The following RNF213 variants were observed in gnomAD, a reference collection of about 807,000 sequenced individuals.
The protein encoded by RNF213 is ring finger protein 213.
RNF213 carries 341 observed loss-of-function variants against 514.4 expected under a neutral mutation model. That is an observed-to-expected ratio of 0.66 (90% CI 0.61 to 0.73). RNF213 has a LOEUF of 0.73. Ranked by LOEUF, RNF213 falls within the 30% of genes least tolerant of loss-of-function variation. RNF213 has a pLI of 0.00. For synonymous variants in RNF213, 2,655 were observed against 2,658.2 expected (o/e 1.00, Z 0.04); for missense variants, 5,767 against 6,615.6 (o/e 0.87, Z 4.45).
At chr17:80,309,462 A>C (rs1381928721) in intron 14 of RNF213, among the ~76,000 whole-genome samples, 1 of 152,156 alleles carries the variant, frequency 6.6e-6, no homozygotes, top group Non-Finnish European at 1.5e-5. Flanking sequence ...GAGCTGGCGC[A>C]GGGGCTGGGG....
rs1423064260 is a variant in RNF213 at position 80,264,678 on chromosome 17, G to A, written c.97+900G>A. On this transcript the variant is annotated intron_variant, in intron 2 of 67. Transcript: ENST00000582970. The surrounding 1 kb of genome is among the most constrained non-coding windows in gnomAD (Gnocchi z 5.0). ...TGGTCTCCCCGCCTCCACGCTGCAT[G>A]CTGCCTTCCTGCTTCCTGCTCAGCA... 6.6e-6 allele frequency among the ~76,000 whole-genome samples: 1 copy of A among 152,070 alleles called. No individual in the cohort carries two copies. Among genetic ancestry groups the A allele is most frequent in the Non-Finnish European group, 1.5e-5 (1 of 68,030 alleles).
At chr17:80,296,375 C>T (rs766578038) in intron 10 of RNF213, among the ~76,000 whole-genome samples, 11 of 152,188 alleles carry the variant, frequency 7.2e-5, no homozygotes, top group African/African-American at 1.2e-4. Flanking sequence ...TCTGTGTGCG[C>T]GTGTTTAGGA....
intron 7 of RNF213, among the ~76,000 whole-genome samples, chr17:80,291,262 A>AT (rs57271953): frequency 0.29 from 40,053 of 137,384 alleles, 6,264 homozygotes; most frequent in African/African-American, 0.42. Context: ...CTTTCTTATA[A>AT]TTTTTTTTTT....
In RNF213 at chr17:80,290,835, A is replaced by G. The variant is rs112756191; in HGVS notation, c.1271+107A>G. 213 of 1,279,838 alleles carry G rather than the reference A, an allele frequency of 1.7e-4. 2 individuals are homozygous for G. In the African/African-American group the frequency reaches 2.6e-3, roughly 16 times the overall value. 79.3% of individuals were successfully genotyped at this position (1,279,838 alleles called of 1,614,324 possible). A position where few individuals can be genotyped will look rare whatever the true frequency, so the allele number is the denominator to read the frequency against. On this transcript the variant is annotated intron_variant, in intron 7 of 67. Coordinates refer to ENST00000582970, the MANE Select transcript of RNF213 (RefSeq NM_001256071.3). The stretch of plus-strand genomic sequence containing the variant: ...TTTGTTTTTTTTTTTTCTGAGACGG[A>G]GTCTTGCTGTGTCACCCAGGCTGGA...
rs1339671124 is a variant in RNF213 at position 80,346,506 on chromosome 17, A to G, written c.8171A>G (p.Glu2724Gly). The change falls in exon 29 of 68, where the codon GAA becomes GGA. Residue 2724 changes from glutamate to glycine, a missense_variant. By Grantham distance (98) the Glu-to-Gly change is moderately conservative. Coordinates refer to ENST00000582970, the MANE Select transcript of RNF213 (RefSeq NM_001256071.3). This position sits in a 1 kb window ranked among gnomAD's most constrained non-coding sequence, Gnocchi z 8.1. ...PYDDSRLLLD[E>G]ITRAQDLFLD... The stretch of plus-strand genomic sequence containing the variant: ...GACGACAGCAGGCTGCTTCTGGATG[A>G]AATAACACGGGCACAGGATCTTTTT... The G allele has an allele frequency of 6.2e-7, 1 of 1,613,624 alleles. No homozygotes were observed. Among genetic ancestry groups the G allele is most frequent in the African/African-American group, 1.3e-5 (1 of 74,918 alleles).
chr17:80,274,513 C>T (rs190681727), intron 3 of RNF213, among the ~76,000 whole-genome samples: 90 of 132,958 alleles, frequency 6.8e-4, no homozygotes, highest in African/African-American at 2.5e-3. Context: ...GGCTTTCTGT[C>T]TGTCGTTCCT....
rs765533410 is a variant in RNF213, at chr17:80,295,653, A to T, written c.1852A>T (p.Ser618Cys). The T allele has an allele frequency of 1.1e-5, 17 of 1,614,048 alleles. No homozygotes were observed. The South Asian group carries it at 1.8e-4, about 17-fold the overall frequency. Residue 618 changes from serine (S) to cysteine (C), a missense_variant, in exon 10 of 68, where the codon AGT becomes TGT. Transcript: ENST00000582970. The part of the protein sequence containing the change: ...DFLPVDCPVR[S>C]KLKTGLIVLF... The stretch of plus-strand genomic sequence containing the variant: ...TTTGCCTGTGGACTGCCCAGTGAGG[A>T]GTAAACTGAAAACAGGCCTGATTGT...
At position 80,313,128 on chromosome 17, in the gene RNF213, A is replaced by G. The variant is rs139305565; in HGVS notation, c.2772A>G (p.Thr924=). The G allele has an allele frequency of 3.4e-4, 551 of 1,614,050 alleles. No homozygotes were observed. Among genetic ancestry groups the G allele is most frequent in the Non-Finnish European group, 4.1e-4 (488 of 1,180,048 alleles). ...AAGTTTTTACAAAGAACATGCTCAC[A>G]TCTTCAGGTGCCTCATTCACATACG... ...LREVFTKNML[T]SSGASFTYVK... The change falls in exon 15 of 68, where the codon ACA becomes ACG. Residue 924 remains threonine (T), a synonymous_variant. Transcript: ENST00000582970.
chr17:80,336,723 A>AT (rs923394764), intron 23 of RNF213: 2 of 351,966 alleles, frequency 5.7e-6, no homozygotes, highest in African/African-American at 2.1e-5. Context: ...AATTGATAGA[A>AT]TTTTTTATCA....
At chr17:80,340,437 G>A (rs975758864) in intron 26 of RNF213, 81 bp downstream of exon 26, 1 of 1,334,802 alleles carries the variant, frequency 7.5e-7, no homozygotes. Context: ...GATGAAGCCT[G>A]TCTGCAGGTG....
intron 11 of RNF213, among the ~76,000 whole-genome samples, chr17:80,303,087 A>G (rs999890670): frequency 6.6e-6 from 1 of 152,172 alleles, no homozygotes; most frequent in African/African-American, 2.4e-5. Context: ...AGGAAGTACT[A>G]CTCAAGGCAC....
At chr17:80,286,835 C>T (rs2044489290) in intron 3 of RNF213, among the ~76,000 whole-genome samples, 4 of 152,062 alleles carry the variant, frequency 2.6e-5, no homozygotes, top group South Asian at 2.1e-4. Flanking sequence ...CTGGGAGATG[C>T]CTGTGGGGTC....
intron 36 of RNF213, among the ~76,000 whole-genome samples, chr17:80,356,883 A>G (rs1440723044): frequency 6.6e-6 from 1 of 151,172 alleles, no homozygotes; most frequent in African/African-American, 2.4e-5. Context: ...TCTTCAAAAG[A>G]GAGGCTTCGC....
intron 3 of RNF213, among the ~76,000 whole-genome samples, chr17:80,274,585 T>A: frequency 9.7e-5 from 3 of 30,896 alleles, no homozygotes; most frequent in East Asian, 8.1e-4. Flanking sequence ...TGCTGTGGTC[T>A]GTGGGGGGTG....
rs752872098 is a variant in RNF213 at position 80,317,209 on chromosome 17, A to C, written c.2833A>C (p.Ile945Leu). 1 of 1,612,590 alleles carries C rather than the reference A, an allele frequency of 6.2e-7. No individual in the cohort carries two copies. The highest frequency in any genetic ancestry group is 1.1e-5 in the South Asian group (1 of 90,214). The part of the protein sequence containing the change: ...EIEVWRRLVE[I>L]QFPAEHGWKE... The stretch of plus-strand genomic sequence containing the variant: ...GCAGGTCTGGAGGCGGCTGGTGGAA[A>C]TCCAATTCCCCGCGGAGCATGGCTG... Residue 945 changes from isoleucine (I) to leucine (L), a missense_variant, in exon 16 of 68, where the codon ATC (isoleucine) becomes CTC (leucine). Coordinates refer to ENST00000582970, the MANE Select transcript of RNF213 (RefSeq NM_001256071.3). The surrounding 1 kb of genome is among the most constrained non-coding windows in gnomAD (Gnocchi z 4.1).
At chr17:80,350,443 C>T (rs566992868) in intron 31 of RNF213, 47 bp downstream of exon 31, 11 of 1,217,244 alleles carry the variant, frequency 9.0e-6, no homozygotes, top group South Asian at 6.1e-5. Flanking sequence ...AAACCCAAAA[C>T]GTAGGAAGTC....
In RNF213 at chr17:80,339,750, G is replaced by T. The variant is rs372932832; in HGVS notation, c.5383G>T (p.Asp1795Tyr). The T allele has an allele frequency of 1.3e-6, 2 of 1,537,034 alleles. No individual in the cohort carries two copies. The highest frequency in any genetic ancestry group is 2.0e-5 in the Admixed American group (1 of 50,990). ...SMRCLPAFLP[D>Y]CLDLETLGHC... ...GAGGTGCCTTCCTGCCTTCCTGCCC[G>T]ACTGCCTCGACCTAGAGACCCTTGG... Residue 1795 changes from aspartate (D) to tyrosine (Y), a missense_variant, in exon 26 of 68, where the codon GAC (aspartate) becomes TAC (tyrosine). Coordinates refer to ENST00000582970, the MANE Select transcript of RNF213 (RefSeq NM_001256071.3).
At chr17:80,370,952 GC>G (rs2144498268) in intron 46 of RNF213, among the ~76,000 whole-genome samples, 2 of 152,220 alleles carry the variant, frequency 1.3e-5, no homozygotes, top group African/African-American at 4.8e-5. Flanking sequence ...GAGCTTGTGA[GC>G]TTTTGAATAC....
In RNF213 at chr17:80,345,085, C is replaced by G. The variant is rs1456138338; in HGVS notation, c.6750C>G (p.Phe2250Leu). The G allele has an allele frequency of 6.2e-7, 1 of 1,614,126 alleles. No individual in the cohort carries two copies. The highest frequency in any genetic ancestry group is 1.3e-5 in the African/African-American group (1 of 75,026). Residue 2250 changes from phenylalanine to leucine, a missense_variant, in exon 29 of 68, where the codon TTC becomes TTG. By Grantham distance (22) the Phe-to-Leu change is conservative (BLOSUM62 0). This residue lies in a region of RNF213 where 1,377 missense variants were observed against 1,635.2 expected (regional missense o/e 0.84). Transcript: ENST00000582970. This position sits in a 1 kb window ranked among gnomAD's most constrained non-coding sequence, Gnocchi z 6.0. ...ACACACTGAGGGGCTTCAAGAAGTT[C>G]GTGGTGACCTTCATGATCTTTATGG... ...IGDTLRGFKK[F>L]VVTFMIFMAR...
Sources: allele counts gnomAD v4.1 joint callset (sites outside exome capture counted in the v4.1 genomes callset), GRCh38; gene constraint gnomAD v4.1.1; regional missense constraint gnomAD v4.1.1; non-coding constraint Gnocchi (gnomAD v3.1); transcripts MANE v1.5; gene names NCBI Gene and HGNC (gene_info 2026-07-23, HGNC 2026-07-21).